The following TNFSF4 variants were observed in gnomAD, a reference collection of about 807,000 sequenced individuals.
TNFSF4 encodes tumor necrosis factor ligand superfamily member 4.
In TNFSF4, 4 loss-of-function variants were observed where a neutral mutation model predicts 7.3. The observed-to-expected ratio is 0.55, with a 90% CI of 0.27 to 1.25. The LOEUF (loss-of-function observed/expected upper bound fraction) is 1.25. TNFSF4 is among the 50% of genes most tolerant of loss of function. TNFSF4 has a pLI of 0.12. For synonymous variants in TNFSF4, 76 were observed against 83.7 expected (o/e 0.91, Z 0.50); for missense variants, 181 against 208.8 (o/e 0.87, Z 0.82).
chr1:173,364,275 G>T, the TNFSF4 span, among the ~76,000 whole-genome samples: 2 of 143,976 alleles, frequency 1.4e-5, no homozygotes, highest in East Asian at 2.0e-4. Context: ...ATAACATATT[G>T]TTCAAAAAAA....
the TNFSF4 span, among the ~76,000 whole-genome samples, chr1:173,230,270 G>A: frequency 6.6e-6 from 1 of 152,216 alleles, no homozygotes; most frequent in African/African-American, 2.4e-5. Flanking sequence ...TCAGGATTAA[G>A]AAACTCACTC....
At chr1:173,340,725 G>A in the TNFSF4 span, among the ~76,000 whole-genome samples, 2 of 150,644 alleles carry the variant, frequency 1.3e-5, no homozygotes, top group Non-Finnish European at 3.0e-5. Context: ...TGATAAAGAG[G>A]GTTTTAGAAT....
chr1:173,289,309 G>T, the TNFSF4 span, among the ~76,000 whole-genome samples: 7 of 152,182 alleles, frequency 4.6e-5, no homozygotes, highest in East Asian at 1.4e-3. Flanking sequence ...GAGACACAGC[G>T]CTCACATAAG....
the TNFSF4 span, among the ~76,000 whole-genome samples, chr1:173,433,437 G>A: frequency 2.3e-4 from 35 of 152,020 alleles, no homozygotes; most frequent in African/African-American, 6.0e-4. Context: ...GTTCACACCT[G>A]TAATCCCAGC....
the TNFSF4 span, among the ~76,000 whole-genome samples, chr1:173,341,355 A>G: frequency 3.9e-5 from 6 of 152,290 alleles, no homozygotes; most frequent in South Asian, 6.2e-4. Context: ...GCTCAGAATA[A>G]TTCGTGTAAC....
chr1:173,331,187 C>T, the TNFSF4 span, among the ~76,000 whole-genome samples: 2 of 152,156 alleles, frequency 1.3e-5, no homozygotes, highest in Non-Finnish European at 2.9e-5. Flanking sequence ...ACCCAGCCTT[C>T]TTTCCTCTTT....
chr1:173,356,697 G>A, the TNFSF4 span, among the ~76,000 whole-genome samples: 8 of 152,342 alleles, frequency 5.3e-5, no homozygotes, highest in African/African-American at 1.9e-4. Flanking sequence ...TCAGAGAGAT[G>A]TTTCACATGC....
chr1:173,329,780 A>T, the TNFSF4 span, among the ~76,000 whole-genome samples: 1 of 152,262 alleles, frequency 6.6e-6, no homozygotes, highest in African/African-American at 2.4e-5. Flanking sequence ...AATTTCAAGA[A>T]GAAATATGGT....
chr1:173,334,750 T>C, the TNFSF4 span, among the ~76,000 whole-genome samples: 1 of 152,178 alleles, frequency 6.6e-6, no homozygotes, highest in South Asian at 2.1e-4. Flanking sequence ...GAGAGAATTA[T>C]CCTTGCCTTG....
the TNFSF4 span, among the ~76,000 whole-genome samples, chr1:173,177,229 T>A: frequency 6.6e-6 from 1 of 152,168 alleles, no homozygotes; most frequent in South Asian, 2.1e-4. Context: ...AAAGAAAATG[T>A]GGTATATATA....
chr1:173,306,129 G>A, the TNFSF4 span, among the ~76,000 whole-genome samples: 105 of 143,800 alleles, frequency 7.3e-4, no homozygotes, highest in African/African-American at 2.3e-3. Flanking sequence ...ATAATTGGAA[G>A]GAGATTTTTT....
chr1:173,346,652 A>C, the TNFSF4 span, among the ~76,000 whole-genome samples: 1 of 152,212 alleles, frequency 6.6e-6, no homozygotes, highest in African/African-American at 2.4e-5. Flanking sequence ...GGAGGGTGTT[A>C]GTTTTCAAAA....
chr1:173,279,908 C>T, the TNFSF4 span, among the ~76,000 whole-genome samples: 1 of 152,084 alleles, frequency 6.6e-6, no homozygotes, highest in East Asian at 1.9e-4. Flanking sequence ...AATTATTCTT[C>T]ATTATTTTAG....
At chr1:173,419,140 C>G in the TNFSF4 span, among the ~76,000 whole-genome samples, 1 of 152,074 alleles carries the variant, frequency 6.6e-6, no homozygotes, top group African/African-American at 2.4e-5. Flanking sequence ...GAGATCGAGA[C>G]CATCCTGGCT....
chr1:173,402,042 C>T, the TNFSF4 span, among the ~76,000 whole-genome samples: 1 of 152,190 alleles, frequency 6.6e-6, no homozygotes, highest in African/African-American at 2.4e-5. Context: ...AAATTCATGG[C>T]TTCTTTACAA....
chr1:173,372,431 A>G, the TNFSF4 span, among the ~76,000 whole-genome samples: 1 of 152,208 alleles, frequency 6.6e-6, no homozygotes, highest in South Asian at 2.1e-4. Context: ...TTCCCACAGG[A>G]CAAAACTTAT....
chr1:173,305,891 A>T, the TNFSF4 span, among the ~76,000 whole-genome samples: 460 of 151,964 alleles, frequency 3.0e-3, 2 homozygotes, highest in Middle Eastern at 0.017. Flanking sequence ...GCGGATTAAA[A>T]GTCCCTCCCT....
chr1:173,331,914 A>T, the TNFSF4 span, among the ~76,000 whole-genome samples: 1 of 152,194 alleles, frequency 6.6e-6, no homozygotes, highest in East Asian at 1.9e-4. Flanking sequence ...CATATTGGCC[A>T]ATATCTGGAG....
At chr1:173,275,128 T>A in the TNFSF4 span, among the ~76,000 whole-genome samples, 1 of 152,122 alleles carries the variant, frequency 6.6e-6, no homozygotes, top group South Asian at 2.1e-4. Context: ...TTTTTACTCA[T>A]GGCAGAGCAT....
Sources: gnomAD v4.1 joint callset for allele counts (sites outside exome capture counted in the v4.1 genomes callset) on GRCh38, gnomAD v4.1.1 for gene constraint, MANE v1.5 for transcripts, NCBI Gene and HGNC (gene_info 2026-07-23, HGNC 2026-07-21) for gene names.